RGS3: variants seen among roughly 807,000 people sequenced by gnomAD.
The protein encoded by RGS3 is regulator of G-protein signalling 3.
Under a neutral mutation model 132.6 loss-of-function variants are expected in RGS3, and 80 were observed. The observed-to-expected ratio is 0.60, with a 90% CI of 0.50 to 0.73. The LOEUF (loss-of-function observed/expected upper bound fraction) is 0.73. RGS3 is among the 30% of genes least tolerant of loss of function. The probability of loss-of-function intolerance (pLI) is 0.00; values close to 1 mark genes in which losing one functional copy is unlikely to be tolerated. For missense variants in RGS3, 1,382 were observed against 1,530.8 expected (o/e 0.90, Z 1.62); for synonymous variants, 598 against 620.6 (o/e 0.96, Z 0.54).
At chr9:113,594,109 C>G in intron 21 of RGS3, 2 of 1,613,114 alleles carry the variant, frequency 1.2e-6, no homozygotes, top group Non-Finnish European at 8.5e-7. Context: ...GTCCCAGCCC[C>G]GGCTTGTGCC....
At chr9:113,531,118 C>G (rs1343680988) in intron 18 of RGS3, among the ~76,000 whole-genome samples, 1 of 152,142 alleles carries the variant, frequency 6.6e-6, no homozygotes, top group East Asian at 1.9e-4. Context: ...GCTGCAAGAT[C>G]CTGGGTGGTG....
intron 13 of RGS3, among the ~76,000 whole-genome samples, chr9:113,508,212 T>C (rs1831230936): frequency 1.3e-5 from 2 of 152,156 alleles, no homozygotes; most frequent in Non-Finnish European, 2.9e-5. Context: ...ACTTGCCTAA[T>C]GGGGGCACAC....
At chr9:113,464,641 CTG>C (rs2119166971) in intron 3 of RGS3, among the ~76,000 whole-genome samples, 1 of 152,330 alleles carries the variant, frequency 6.6e-6, no homozygotes, top group East Asian at 1.9e-4. Flanking sequence ...TATTTTTCCT[CTG>C]TGAAGACTTG....
intron 19 of RGS3, among the ~76,000 whole-genome samples, chr9:113,559,017 G>A (rs1588248316): frequency 6.6e-6 from 1 of 152,216 alleles, no homozygotes; most frequent in Non-Finnish European, 1.5e-5. Flanking sequence ...CCCAGGGTTC[G>A]CAGAAGGCAG....
chr9:113,514,717 C>G (rs1831567798), intron 15 of RGS3, 63 bp downstream of exon 13: 1 of 1,528,000 alleles, frequency 6.5e-7, no homozygotes. Flanking sequence ...AGGGCCCTTG[C>G]CCCAGGACTC....
At chr9:113,533,838 C>G (rs1236943691) in intron 18 of RGS3, among the ~76,000 whole-genome samples, 1 of 152,222 alleles carries the variant, frequency 6.6e-6, no homozygotes, top group Non-Finnish European at 1.5e-5. Flanking sequence ...CCCGGCTTCT[C>G]CCTGGGAAAT....
At chr9:113,532,849 C>T (rs1236397192) in intron 18 of RGS3, among the ~76,000 whole-genome samples, 1 of 152,150 alleles carries the variant, frequency 6.6e-6, no homozygotes, top group East Asian at 1.9e-4. Flanking sequence ...GAGCTTAGAG[C>T]AGTGGACAGT....
intron 19 of RGS3, among the ~76,000 whole-genome samples, chr9:113,575,940 GA>G (rs1834502209): frequency 6.6e-6 from 1 of 152,158 alleles, no homozygotes; most frequent in Non-Finnish European, 1.5e-5. Context: ...TGCAGGTTCC[GA>G]TCCAGTGGGT....
chr9:113,452,581 C>T (rs2119144134), intron 1 of RGS3, among the ~76,000 whole-genome samples: 1 of 152,038 alleles, frequency 6.6e-6, no homozygotes, highest in East Asian at 1.9e-4. Flanking sequence ...GGAAAAAGCC[C>T]AACCACTATT....
intron 19 of RGS3, among the ~76,000 whole-genome samples, chr9:113,571,515 C>A (rs990305726): frequency 6.6e-6 from 1 of 152,118 alleles, no homozygotes. Context: ...ATTTGGATGA[C>A]CTCTTTTGAA....
chr9:113,568,584 A>C (rs1834114397), intron 19 of RGS3, among the ~76,000 whole-genome samples: 1 of 152,208 alleles, frequency 6.6e-6, no homozygotes, highest in Non-Finnish European at 1.5e-5. Flanking sequence ...GCAGCAGAGA[A>C]GCAGCCCCCA....
chr9:113,594,849 C>G (rs1835675126), intron 22 of RGS3, 70 bp from the exon 21 acceptor site: 1 of 1,487,222 alleles, frequency 6.7e-7, no homozygotes, highest in Non-Finnish European at 9.4e-7. Flanking sequence ...CAAAGGCCGC[C>G]TGGCCCAGCT....
chr9:113,477,851 G>A (rs1830040617), intron 3 of RGS3, among the ~76,000 whole-genome samples: 1 of 152,236 alleles, frequency 6.6e-6, no homozygotes, highest in Admixed American at 6.5e-5. Flanking sequence ...TGTCACAGAT[G>A]GAGCCATGCC....
exon 3 of RGS3, chr9:113,462,126 C>G: frequency 1.2e-6 from 2 of 1,614,196 alleles, no homozygotes; most frequent in Non-Finnish European, 8.5e-7. Flanking sequence ...TGATATCGCT[C>G]TGCCCAGAAG....
intron 19 of RGS3, among the ~76,000 whole-genome samples, chr9:113,547,099 G>A (rs1176329027): frequency 6.6e-6 from 1 of 152,036 alleles, no homozygotes; most frequent in Non-Finnish European, 1.5e-5. Flanking sequence ...GAATTGGCTA[G>A]GTTCTTCATC....
At position 113,464,597 on chromosome 9, in the gene RGS3, C is replaced by T. The variant is rs532717155; in HGVS notation, c.415+2396C>T. 1.7e-4 allele frequency among the ~76,000 whole-genome samples: 26 copies of T among 152,296 alleles called. 1 individual carries two copies. Among genetic ancestry groups the T allele is most frequent in the Admixed American group, 1.6e-3 (24 of 15,298 alleles). Reference sequence around the variant, plus strand: ...ACCCTTGAGGGTAACCCTTCATTTCCTCACTGGTCCTGCAACTCTCTGTGG... The same window carrying T: ...ACCCTTGAGGGTAACCCTTCATTTCTTCACTGGTCCTGCAACTCTCTGTGG... On this transcript the variant is annotated intron_variant, in intron 3 of 24. Coordinates refer to ENST00000350696, the Ensembl canonical transcript of RGS3.
Position 113,463,606 on chromosome 9 carries a change from T to G in RGS3, c.415+1405T>G. 51 of 666,846 alleles carry G rather than the reference T, an allele frequency of 7.6e-5. No individual in the cohort carries two copies. The highest frequency in any genetic ancestry group is 6.0e-4 in the Middle Eastern group (1 of 1,656). The allele number at this position is 666,846 out of a possible 1,614,324, so 41.3% of individuals were successfully genotyped here. On this transcript the variant is annotated intron_variant, in intron 3 of 24. Transcript: ENST00000350696. The surrounding 1 kb of genome is among the most constrained non-coding windows in gnomAD (Gnocchi z 4.6). Reference sequence around the variant, plus strand: ...GCCGCCTCCCCCACCCCGGCCCAGCTCTGCTCCGGCAGGTGGAACTCTCCC... The same window carrying G: ...GCCGCCTCCCCCACCCCGGCCCAGCGCTGCTCCGGCAGGTGGAACTCTCCC...
intron 19 of RGS3, among the ~76,000 whole-genome samples, chr9:113,556,306 G>A (rs1197847564): frequency 6.6e-6 from 1 of 152,080 alleles, no homozygotes. Context: ...GAAGACCCAA[G>A]TCTTCCTTTC....
chr9:113,511,401 T>TAAA (rs113868012), intron 14 of RGS3, among the ~76,000 whole-genome samples: 3 of 141,588 alleles, frequency 2.1e-5, no homozygotes, highest in Non-Finnish European at 4.6e-5. Flanking sequence ...TGTACTGTTC[T>TAAA]AAAAAAAAAA....
Sources: gnomAD v4.1 joint callset for allele counts (sites outside exome capture counted in the v4.1 genomes callset) on GRCh38, gnomAD v4.1.1 for gene constraint, Gnocchi (gnomAD v3.1) non-coding constraint, MANE v1.5 for transcripts, NCBI Gene and HGNC (gene_info 2026-07-23, HGNC 2026-07-21) for gene names.